TENM2: variants seen among roughly 807,000 people sequenced by gnomAD.
TENM2 encodes the protein teneurin transmembrane protein 2.
TENM2 carries 52 observed loss-of-function variants against 245.2 expected under a neutral mutation model. The ratio of observed to expected loss-of-function variants is 0.21; its 90% CI spans 0.17 to 0.27. The LOEUF is 0.27. Among genes scored for constraint, TENM2 ranks in the 10% least tolerant of loss-of-function variants. TENM2 has a pLI of 1.00. For missense variants in TENM2, 3,046 were observed against 3,666.8 expected (o/e 0.83, Z 4.37); for synonymous variants, 1,363 against 1,438.9 (o/e 0.95, Z 1.19).
At chr5:167,298,402 G>C (rs1257321375) in intron 1 of TENM2, among the ~76,000 whole-genome samples, 2 of 152,210 alleles carry the variant, frequency 1.3e-5, no homozygotes, top group African/African-American at 2.4e-5. Context: ...AGGAGATTGA[G>C]ACCATCCTGG....
the TENM2 span, among the ~76,000 whole-genome samples, chr5:167,008,460 T>C: frequency 3.9e-5 from 6 of 152,200 alleles, no homozygotes. Flanking sequence ...CTTTCAATTT[T>C]TTCTTAATCT....
rs1771264558 is a variant in TENM2, at chr5:167,285,209, TAAC to T, written c.226+151_226+153del. The T allele has an allele frequency of 6.3e-5, 40 of 634,836 alleles. No individual in the cohort carries two copies. The South Asian group carries it at 7.8e-4, about 12-fold the overall frequency. 39.3% of individuals were successfully genotyped at this position (634,836 alleles called of 1,614,324 possible). On this transcript the variant is annotated intron_variant, in intron 1 of 28. Coordinates refer to ENST00000518659, the Ensembl canonical transcript of TENM2. The stretch of plus-strand genomic sequence containing the variant: ...CCCTTGGTTCCATAAAGGACATTCC[TAAC>T]AACATGGTGAATCTCTATCCTGAGA...
At chr5:168,156,420 C>T (rs1171380052) in intron 12 of TENM2, among the ~76,000 whole-genome samples, 1 of 152,016 alleles carries the variant, frequency 6.6e-6, no homozygotes, top group African/African-American at 2.4e-5. Flanking sequence ...GCATTTCCAT[C>T]TGGATAGGGT....
At chr5:168,245,005 T>A (rs1020392105) in intron 26 of TENM2, among the ~76,000 whole-genome samples, 3 of 152,054 alleles carry the variant, frequency 2.0e-5, no homozygotes, top group African/African-American at 4.8e-5. Flanking sequence ...TGACCTCAGG[T>A]GATCGCCCAC....
intron 2 of TENM2, among the ~76,000 whole-genome samples, chr5:167,700,896 C>T (rs969099325): frequency 8.1e-5 from 11 of 135,164 alleles, no homozygotes; most frequent in South Asian, 2.3e-4. Flanking sequence ...AATAAAATTG[C>T]GTTCAGAAAT....
At chr5:167,652,149 A>G (rs182464797) in intron 2 of TENM2, among the ~76,000 whole-genome samples, 24 of 152,324 alleles carry the variant, frequency 1.6e-4, no homozygotes, top group African/African-American at 2.6e-4. Flanking sequence ...AAACTAGACT[A>G]TGCCAAGAGC....
At chr5:167,121,250 C>G in the TENM2 span, among the ~76,000 whole-genome samples, 1 of 151,932 alleles carries the variant, frequency 6.6e-6, no homozygotes. Context: ...AAGATCATAT[C>G]CAATGGCAGC....
chr5:167,586,296 G>A (rs1377022514), intron 2 of TENM2, among the ~76,000 whole-genome samples: 1 of 152,194 alleles, frequency 6.6e-6, no homozygotes, highest in Non-Finnish European at 1.5e-5. Flanking sequence ...TACTGCACCA[G>A]TTTATTTGAG....
chr5:167,428,266 T>C (rs909185207), intron 2 of TENM2, among the ~76,000 whole-genome samples: 2 of 152,238 alleles, frequency 1.3e-5, no homozygotes, highest in African/African-American at 4.8e-5. Context: ...GAATCTAAAT[T>C]GCTTCTAAAA....
intron 5 of TENM2, among the ~76,000 whole-genome samples, chr5:168,002,169 CT>C (rs1390517275): frequency 6.6e-6 from 1 of 152,186 alleles, no homozygotes; most frequent in East Asian, 1.9e-4. Context: ...TGCCTCCAAC[CT>C]TTACATTTCT....
intron 3 of TENM2, among the ~76,000 whole-genome samples, chr5:167,946,481 G>A (rs576653754): frequency 1.3e-5 from 2 of 152,324 alleles, no homozygotes; most frequent in Middle Eastern, 3.4e-3. Flanking sequence ...AGCAGCATCC[G>A]TGAGGTGGTG....
At chr5:167,230,291 G>T in the TENM2 span, among the ~76,000 whole-genome samples, 2 of 152,108 alleles carry the variant, frequency 1.3e-5, no homozygotes, top group African/African-American at 4.8e-5. Context: ...GACTGCTGGG[G>T]GTCTCTTACT....
At chr5:167,409,108 T>A (rs1041336508) in intron 2 of TENM2, among the ~76,000 whole-genome samples, 4 of 152,060 alleles carry the variant, frequency 2.6e-5, no homozygotes, top group Admixed American at 1.3e-4. Flanking sequence ...TTGATGGTCA[T>A]GCTATTCATA....
the TENM2 span, among the ~76,000 whole-genome samples, chr5:167,265,247 G>C: frequency 1.4e-5 from 2 of 146,692 alleles, no homozygotes; most frequent in Non-Finnish European, 3.0e-5. Flanking sequence ...GCAGAGAATT[G>C]CTTGAACCCA....
intron 2 of TENM2, among the ~76,000 whole-genome samples, chr5:167,593,266 A>G (rs893146674): frequency 1.3e-5 from 2 of 152,220 alleles, no homozygotes; most frequent in African/African-American, 2.4e-5. Context: ...TTTTAATCGA[A>G]TCACGAAGAA....
intron 3 of TENM2, among the ~76,000 whole-genome samples, chr5:167,889,614 G>C (rs1025416135): frequency 1.3e-5 from 2 of 151,924 alleles, no homozygotes; most frequent in Admixed American, 1.3e-4. Flanking sequence ...CACTGTCTTT[G>C]ATACATTCCT....
At chr5:167,308,869 G>A (rs1260101538) in intron 1 of TENM2, among the ~76,000 whole-genome samples, 45 of 152,168 alleles carry the variant, frequency 3.0e-4, no homozygotes, top group Admixed American at 2.9e-3. Context: ...CTACCACGTT[G>A]GAGACGAACA....
At chr5:167,002,101 G>A in the TENM2 span, among the ~76,000 whole-genome samples, 808 of 151,978 alleles carry the variant, frequency 5.3e-3, 11 homozygotes, top group Non-Finnish European at 5.2e-3. Flanking sequence ...AAAAGAACTA[G>A]GAAAAAAGGG....
intron 3 of TENM2, 145 bp downstream of exon 5, chr5:167,876,340 A>G: frequency 1.4e-6 from 1 of 719,248 alleles, no homozygotes; most frequent in Non-Finnish European, 2.3e-6. Flanking sequence ...ATTTTGTGGC[A>G]TGGTATTTTC....
Sources: gnomAD v4.1 joint callset for allele counts (sites outside exome capture counted in the v4.1 genomes callset) on GRCh38, gnomAD v4.1.1 for gene constraint, MANE v1.5 for transcripts, NCBI Gene and HGNC (gene_info 2026-07-23, HGNC 2026-07-21) for gene names.